Variants in GLI3 observed in about 807,000 individuals in gnomAD.
GLI3 encodes transcription activator GLI3.
Under a neutral mutation model 100.8 loss-of-function variants are expected in GLI3, and 20 were observed. That is an observed-to-expected ratio of 0.20 (90% confidence interval 0.14 to 0.29). The LOEUF is 0.29. Among genes scored for constraint, GLI3 ranks in the 10% least tolerant of loss-of-function variants. The pLI is 1.00. For synonymous variants in GLI3, 938 were observed against 860.5 expected, an observed-to-expected ratio of 1.09 and a Z score of -1.58; for missense variants, 2,040 against 2,128.5, an observed-to-expected ratio of 0.96 and a Z score of 0.82.
chr7:42,066,313 G>A (rs756129682), intron 4 of GLI3, among the ~76,000 whole-genome samples: 8 of 152,004 alleles, frequency 5.3e-5, no homozygotes, highest in Non-Finnish European at 1.2e-4. Flanking sequence ...CGGGGGAAGG[G>A]GGTGGACTCT....
Position 42,171,719 on chromosome 7 carries a change from T to C in GLI3, c.125-23251A>G, listed in dbSNP as rs59046311. ...AGTTCTTAAAGCTTTCTTCCAAATG[T>C]AGGTCAAAGCTAAGTCACTGAGTCC... On this transcript the variant is annotated intron_variant, in intron 2 of 14. Transcript: ENST00000395925. Among the ~76,000 whole-genome samples the C allele has an allele frequency of 9.3e-3, 1,411 of 152,332 alleles. 18 individuals are homozygous for C. The highest frequency in any genetic ancestry group is 0.032 in the African/African-American group (1,330 of 41,578).
At chr7:42,262,796 C>T (rs1317645046) in intron 1 of GLI3, among the ~76,000 whole-genome samples, 1 of 152,156 alleles carries the variant, frequency 6.6e-6, no homozygotes, top group East Asian at 1.9e-4. Flanking sequence ...CCTAACATTA[C>T]TTTTTAAATT....
intron 1 of GLI3, among the ~76,000 whole-genome samples, chr7:42,235,925 G>A (rs1311495588): frequency 2.6e-5 from 4 of 152,174 alleles, no homozygotes; most frequent in Non-Finnish European, 5.9e-5. Flanking sequence ...GAATCTACCC[G>A]GCAGTCTGCA....
intron 1 of GLI3, among the ~76,000 whole-genome samples, chr7:42,233,818 T>C (rs1788738382): frequency 6.6e-6 from 1 of 152,198 alleles, no homozygotes; most frequent in Non-Finnish European, 1.5e-5. Flanking sequence ...TATCTTCTCC[T>C]AGGCTTTAAT....
At chr7:42,040,297 T>G in intron 6 of GLI3, 58 bp from the exon 7 acceptor site, 1 of 1,236,304 alleles carries the variant, frequency 8.1e-7, no homozygotes, top group South Asian at 1.2e-5. Flanking sequence ...TACCAGCTAT[T>G]TATTGCTACT....
rs183120292 is a variant in GLI3 at position 42,012,455 on chromosome 7, G to T, written c.1497+11013C>A. ...ACTACATTTACTTGAGTAACCTGGGGCTTGTGTAGCATAAAAAGGCAGTTC... is the reference window on the plus strand; with the variant it reads ...ACTACATTTACTTGAGTAACCTGGGTCTTGTGTAGCATAAAAAGGCAGTTC... On this transcript the variant is annotated intron_variant, in intron 10 of 14. Transcript: ENST00000395925. 2.0e-3 allele frequency among the ~76,000 whole-genome samples: 301 copies of T among 152,186 alleles called. 2 individuals are homozygous for T. The highest frequency in any genetic ancestry group is 3.2e-3 in the Non-Finnish European group (216 of 68,008).
intron 2 of GLI3, among the ~76,000 whole-genome samples, chr7:42,182,663 T>TATATATATATATACATGTGTGTAC (rs1315183713): frequency 2.5e-4 from 15 of 60,714 alleles, no homozygotes; most frequent in African/African-American, 8.9e-4. Flanking sequence ...TATATATATA[T>TATATATATATATACATGTGTGTAC]ATATATATAT....
Position 41,966,199 on chromosome 7 carries a change from C to T in GLI3, c.2874G>A (p.Ala958=). The T allele has an allele frequency of 6.2e-7, 1 of 1,606,160 alleles. No homozygotes were observed. Among genetic ancestry groups the T allele is most frequent in the Non-Finnish European group, 8.5e-7 (1 of 1,178,300 alleles). The change falls in exon 15 of 15, where the codon GCG becomes GCA. Residue 958 remains alanine, a synonymous_variant. Transcript: ENST00000395925. This position sits in a 1 kb window ranked among gnomAD's most constrained non-coding sequence, Gnocchi z 5.8. ...MERMSLKTRL[A]LLGDALEPGV... is the part of the protein sequence containing the mutation. ...CAGGCTCGAGGGCATCCCCGAGCAG[C>T]GCCAGGCGCGTCTTCAGGCTCATCC...
chr7:42,147,054 C>T (rs1211585067), intron 3 of GLI3, among the ~76,000 whole-genome samples: 1 of 152,100 alleles, frequency 6.6e-6, no homozygotes, highest in Non-Finnish European at 1.5e-5. Context: ...AAAAAATGCT[C>T]TCTCCACTTA....
chr7:42,134,132 G>A (rs1786367372), intron 3 of GLI3, among the ~76,000 whole-genome samples: 1 of 151,434 alleles, frequency 6.6e-6, no homozygotes, highest in Non-Finnish European at 1.5e-5. Context: ...TTCCAAAAAG[G>A]AACTCTAAGG....
chr7:42,243,307 A>G (rs1229821667), intron 1 of GLI3, among the ~76,000 whole-genome samples: 2 of 152,218 alleles, frequency 1.3e-5, no homozygotes, highest in East Asian at 1.9e-4. Context: ...ATGACTAGGA[A>G]AAGTAGCACA....
intron 3 of GLI3, among the ~76,000 whole-genome samples, chr7:42,124,915 T>G (rs957874959): frequency 1.3e-5 from 2 of 152,192 alleles, no homozygotes; most frequent in Non-Finnish European, 2.9e-5. Context: ...GCTCAAAGAA[T>G]GTATTTTTAA....
intron 10 of GLI3, among the ~76,000 whole-genome samples, chr7:42,000,094 A>T (rs1788243836): frequency 6.6e-6 from 1 of 152,164 alleles, no homozygotes; most frequent in Non-Finnish European, 1.5e-5. Flanking sequence ...TCATCTGTTG[A>T]CCGTATTACA....
intron 1 of GLI3, among the ~76,000 whole-genome samples, chr7:42,235,931 C>G (rs901251337): frequency 7.2e-5 from 11 of 152,204 alleles, no homozygotes; most frequent in Admixed American, 5.2e-4. Context: ...ACCCGGCAGT[C>G]TGCACTGGGG....
chr7:42,175,058 G>A (rs771120459), intron 2 of GLI3, among the ~76,000 whole-genome samples: 11 of 152,104 alleles, frequency 7.2e-5, no homozygotes, highest in Admixed American at 6.5e-5. Flanking sequence ...GTCGCACCTT[G>A]TGCAACTGTT....
At chr7:42,064,536 T>C (rs888178432) in intron 4 of GLI3, among the ~76,000 whole-genome samples, 1 of 152,216 alleles carries the variant, frequency 6.6e-6, no homozygotes, top group Non-Finnish European at 1.5e-5. Context: ...AACAGCACTA[T>C]GTTTGAGTTT....
chr7:42,137,898 G>C (rs1314210556), intron 3 of GLI3, among the ~76,000 whole-genome samples: 1 of 152,204 alleles, frequency 6.6e-6, no homozygotes, highest in Admixed American at 6.5e-5. Flanking sequence ...TGTTTGTGTA[G>C]ACTTGGATTT....
At chr7:42,158,493 A>ATT (rs201692522) in intron 2 of GLI3, among the ~76,000 whole-genome samples, 1 of 142,814 alleles carries the variant, frequency 7.0e-6, no homozygotes. Flanking sequence ...TGTGAAGACT[A>ATT]TTTTTTTTTT....
chr7:42,029,752 G>A (rs1286446564), intron 7 of GLI3, among the ~76,000 whole-genome samples: 1 of 152,114 alleles, frequency 6.6e-6, no homozygotes, highest in African/African-American at 2.4e-5. Context: ...CCTCCTCAGA[G>A]GGGCCTTCTT....
Sources: gnomAD v4.1 joint callset for allele counts (sites outside exome capture counted in the v4.1 genomes callset) on GRCh38, gnomAD v4.1.1 for gene constraint, Gnocchi (gnomAD v3.1) non-coding constraint, MANE v1.5 for transcripts, NCBI Gene and HGNC (gene_info 2026-07-23, HGNC 2026-07-21) for gene names.